Variants in ANKMY1 observed in about 807,000 individuals in gnomAD.
ANKMY1 encodes the protein ankyrin repeat and MYND domain containing 1, also known as ankyrin repeat and MYND domain-containing protein 1.
A neutral mutation model predicts 102.0 loss-of-function variants in ANKMY1; 98 were observed. The observed-to-expected ratio is 0.96, with a 90% CI of 0.82 to 1.14. The LOEUF (loss-of-function observed/expected upper bound fraction) is 1.14. ANKMY1 is among the 50% of genes most tolerant of loss of function. The pLI, the probability that ANKMY1 is intolerant of heterozygous loss-of-function variation, is 0.00. For synonymous variants in ANKMY1, 582 were observed against 559.9 expected, an observed-to-expected ratio of 1.04 and a Z score of -0.56; for missense variants, 1,330 against 1,347.6, an observed-to-expected ratio of 0.99 and a Z score of 0.20.
chr2:240,521,120 C>T (rs1038974988), intron 8 of ANKMY1, among the ~76,000 whole-genome samples: 1 of 151,598 alleles, frequency 6.6e-6, no homozygotes, highest in Non-Finnish European at 1.5e-5. Flanking sequence ...TGCAGCCGCG[C>T]AGGGCTGAGG....
chr2:240,502,007 G>C (rs894989131), intron 13 of ANKMY1, among the ~76,000 whole-genome samples: 2 of 152,186 alleles, frequency 1.3e-5, no homozygotes, highest in Non-Finnish European at 2.9e-5. Context: ...ACATCCCTCC[G>C]AGGCCCCACC....
chr2:240,516,697 T>C (rs2081275460), intron 9 of ANKMY1, among the ~76,000 whole-genome samples: 1 of 152,186 alleles, frequency 6.6e-6, no homozygotes, highest in African/African-American at 2.4e-5. Flanking sequence ...GCTTACTTCT[T>C]TGGGGGAGTT....
At chr2:240,479,027 A>G (rs2151811885), downstream of ANKMY1, among the ~76,000 whole-genome samples, 1 of 152,290 alleles carries the variant, frequency 6.6e-6, no homozygotes, top group South Asian at 2.1e-4. Context: ...CATGTGCTCC[A>G]GGCCCTCCTT....
chr2:240,507,429 A>AC, intron 13 of ANKMY1, 131 bp downstream of exon 13: 7 of 993,154 alleles, frequency 7.0e-6, no homozygotes, highest in Non-Finnish European at 9.1e-6. Flanking sequence ...CAGCCCTTAT[A>AC]CCCCTCACCC....
At chr2:240,525,989 G>C (rs1011864374) in intron 6 of ANKMY1, 140 bp from the exon 7 acceptor site, 1 of 1,158,530 alleles carries the variant, frequency 8.6e-7, no homozygotes, top group Admixed American at 2.1e-5. Flanking sequence ...TTGGCAAAGG[G>C]ACAAGTGTGG....
At chr2:240,489,832 A>T (rs1406872540) in intron 15 of ANKMY1, among the ~76,000 whole-genome samples, 1 of 152,144 alleles carries the variant, frequency 6.6e-6, no homozygotes, top group Admixed American at 6.5e-5. Context: ...TTTCAGGAGG[A>T]TTGGTATTAG....
chr2:240,505,423 C>A (rs1175416492), intron 13 of ANKMY1, among the ~76,000 whole-genome samples: 1 of 151,618 alleles, frequency 6.6e-6, no homozygotes, highest in Non-Finnish European at 1.5e-5. Flanking sequence ...GATCACACCT[C>A]TGCACTCCAG....
chr2:240,523,904 T>C lies in ANKMY1; in HGVS notation c.1813A>G (p.Met605Val). The C allele has an allele frequency of 6.2e-7, 1 of 1,613,336 alleles. No homozygotes were observed. The highest frequency in any genetic ancestry group is 8.5e-7 in the Non-Finnish European group (1 of 1,179,790). Residue 605 changes from methionine to valine, a missense_variant, in exon 8 of 18, where the codon ATG becomes GTG. Physicochemically the swap from Met to Val is conservative, Grantham distance 21. Transcript: ENST00000401804. ...SSFDKGTMRR[M>V]ALSMIERRKR... ...ACCTACTCGATCATGGACAGCGCCA[T>C]CCTCCGCATGGTCCCTTTGTCGAAG... is the stretch of plus-strand genomic sequence containing the variant.
chr2:240,475,802 A>G (rs1383686699), downstream of ANKMY1, among the ~76,000 whole-genome samples: 1 of 151,984 alleles, frequency 6.6e-6, no homozygotes, highest in African/African-American at 2.4e-5. Context: ...TATAAATACT[A>G]TAAAATATAG....
chr2:240,545,468 G>T (rs2090143611), intron 4 of ANKMY1, among the ~76,000 whole-genome samples: 1 of 152,226 alleles, frequency 6.6e-6, no homozygotes, highest in African/African-American at 2.4e-5. Flanking sequence ...CTCCTTCAAA[G>T]GAACGCAGTT....
chr2:240,527,036 G>A, intron 5 of ANKMY1: 1 of 989,808 alleles, frequency 1.0e-6, no homozygotes, highest in South Asian at 4.6e-5. Flanking sequence ...TGGATGGATG[G>A]TTGGGTAGGT....
At chr2:240,477,030 C>T (rs1338548160), downstream of ANKMY1, among the ~76,000 whole-genome samples, 1 of 152,190 alleles carries the variant, frequency 6.6e-6, no homozygotes, top group African/African-American at 2.4e-5. Flanking sequence ...GAAAAGGGAC[C>T]AGTGGAGGCC....
At chr2:240,515,295 G>A (rs907454963) in intron 9 of ANKMY1, among the ~76,000 whole-genome samples, 2 of 152,136 alleles carry the variant, frequency 1.3e-5, no homozygotes, top group African/African-American at 2.4e-5. Flanking sequence ...CCAGCACTTC[G>A]GGAGGCCAAG....
At chr2:240,552,227 G>C (rs571272931) in intron 4 of ANKMY1, among the ~76,000 whole-genome samples, 1 of 152,154 alleles carries the variant, frequency 6.6e-6, no homozygotes, top group Non-Finnish European at 1.5e-5. Context: ...TGCAGGAAGC[G>C]GAAAGATCTA....
At chr2:240,510,908 T>C (rs1192154035) in intron 11 of ANKMY1, among the ~76,000 whole-genome samples, 3 of 151,894 alleles carry the variant, frequency 2.0e-5, no homozygotes, top group Admixed American at 2.0e-4. Context: ...TGCCCAGGCC[T>C]CGTCCTTCAC....
Position 240,520,325 on chromosome 2 carries a change from T to G in ANKMY1, c.2004+37A>C. On this transcript the variant is annotated intron_variant, in intron 9 of 17. Transcript: ENST00000401804. This position sits in a 1 kb window ranked among gnomAD's most constrained non-coding sequence, Gnocchi z 4.8. ...TCCCGGCCAGTGCCCGGGAGTCTGC[T>G]GCGCTCGTCCCGGCGCCCGCCCGCC... is the stretch of plus-strand genomic sequence containing the variant. The G allele has an allele frequency of 6.6e-7, 1 of 1,507,836 alleles. No homozygotes were observed. 93.4% of individuals were successfully genotyped at this position (1,507,836 alleles called of 1,614,324 possible).
At chr2:240,502,673 C>T (rs898801880) in intron 13 of ANKMY1, among the ~76,000 whole-genome samples, 3 of 151,988 alleles carry the variant, frequency 2.0e-5, no homozygotes, top group Non-Finnish European at 4.4e-5. Flanking sequence ...ACCTCATCCA[C>T]GGTGAGAACT....
downstream of ANKMY1, among the ~76,000 whole-genome samples, chr2:240,475,972 A>AT (rs111610906): frequency 4.0e-4 from 60 of 151,312 alleles, no homozygotes; most frequent in South Asian, 5.4e-3. Context: ...TTCCAATGGC[A>AT]TTTTTTTTTA....
intron 4 of ANKMY1, among the ~76,000 whole-genome samples, chr2:240,541,831 A>G (rs1044269908): frequency 6.6e-6 from 1 of 152,078 alleles, no homozygotes; most frequent in Non-Finnish European, 1.5e-5. Flanking sequence ...GGGTTGGGCC[A>G]GATTAGTCTG....
Sources: gnomAD v4.1 joint callset for allele counts (sites outside exome capture counted in the v4.1 genomes callset) on GRCh38, gnomAD v4.1.1 for gene constraint, Gnocchi (gnomAD v3.1) non-coding constraint, MANE v1.5 for transcripts, NCBI Gene and HGNC (gene_info 2026-07-23, HGNC 2026-07-21) for gene names.